MTUS2: variants seen among roughly 807,000 people sequenced by gnomAD.
MTUS2 encodes the protein microtubule-associated tumor suppressor candidate 2.
A neutral mutation model predicts 114.1 loss-of-function variants in MTUS2; 40 were observed. That is an observed-to-expected ratio of 0.35 (90% CI 0.27 to 0.46). MTUS2 has a LOEUF of 0.46. Among genes scored for constraint, MTUS2 ranks in the 20% least tolerant of loss-of-function variants. The pLI, the probability that MTUS2 is intolerant of heterozygous loss-of-function variation, is 1.00. For synonymous variants in MTUS2, 688 were observed against 672.0 expected, an observed-to-expected ratio of 1.02 and a Z score of -0.37; for missense variants, 1,679 against 1,705.4, an observed-to-expected ratio of 0.98 and a Z score of 0.27.
rs138019219 is a variant in MTUS2 at position 29,321,567 on chromosome 13, C to T, written c.2807-3046C>T. Among the ~76,000 whole-genome samples, 449 of 152,272 alleles carry T rather than the reference C, an allele frequency of 2.9e-3. 4 individuals are homozygous for T. Among genetic ancestry groups the T allele is most frequent in the Non-Finnish European group, 4.0e-3 (272 of 68,022 alleles). On this transcript the variant is annotated intron_variant, in intron 6 of 15. Coordinates refer to ENST00000612955, the MANE Select transcript of MTUS2 (RefSeq NM_001033602.4). ...GCCAGCAAAGGGAGGGTAAAACTTT[C>T]GATTTGAGTTATTCCTATAGGACTG...
At chr13:29,333,973 G>A (rs1236882916) in intron 7 of MTUS2, among the ~76,000 whole-genome samples, 2 of 152,028 alleles carry the variant, frequency 1.3e-5, no homozygotes, top group Non-Finnish European at 2.9e-5. Context: ...ATCTTTGTTG[G>A]TTTAAAGTCT....
chr13:29,014,135 G>C (rs998353642), intron 2 of MTUS2, among the ~76,000 whole-genome samples: 2 of 152,086 alleles, frequency 1.3e-5, no homozygotes, highest in African/African-American at 4.8e-5. Flanking sequence ...AACCCAGGAG[G>C]CCTTGTTCCA....
intron 6 of MTUS2, among the ~76,000 whole-genome samples, chr13:29,285,735 G>A (rs1476210644): frequency 2.6e-5 from 4 of 152,142 alleles, no homozygotes; most frequent in South Asian, 2.1e-4. Context: ...CATCTTTGGG[G>A]AAAATGAAGA....
chr13:29,468,128 CA>C (rs1004871299), intron 9 of MTUS2, among the ~76,000 whole-genome samples: 12 of 151,686 alleles, frequency 7.9e-5, no homozygotes, highest in African/African-American at 2.9e-4. Context: ...CAAAAAAACA[CA>C]AAAAAATCCC....
intron 3 of MTUS2, among the ~76,000 whole-genome samples, chr13:29,028,641 C>G (rs140096921): frequency 1.3e-5 from 2 of 152,118 alleles, no homozygotes; most frequent in African/African-American, 4.8e-5. Flanking sequence ...GGGAAGGCCA[C>G]CCATCTTCTC....
intron 7 of MTUS2, among the ~76,000 whole-genome samples, chr13:29,337,509 T>C (rs1409703369): frequency 1.3e-5 from 2 of 152,190 alleles, no homozygotes; most frequent in Admixed American, 6.5e-5. Context: ...AGATGAGCCA[T>C]GTACCTCAGT....
chr13:29,480,341 A>G lies in MTUS2; in HGVS notation c.3376A>G (p.Ile1126Val). The change falls in exon 10 of 16, where the codon ATC (isoleucine) becomes GTC (valine). Residue 1126 changes from isoleucine (I) to valine (V), a missense_variant. By Grantham distance (29) the Ile-to-Val change is conservative (BLOSUM62 3). Transcript: ENST00000612955. The surrounding 1 kb of genome is among the most constrained non-coding windows in gnomAD (Gnocchi z 4.4). ...QEEHGDQLLS[I>V]RCQHQEQVED... ...GGAGCACGGTGACCAGCTGCTGAGC[A>G]TCCGGTGTCAACACCAGGAGCAGGT... The G allele has an allele frequency of 1.3e-6, 2 of 1,542,538 alleles. No individual in the cohort carries two copies. The highest frequency in any genetic ancestry group is 1.8e-6 in the Non-Finnish European group (2 of 1,142,412).
intron 8 of MTUS2, among the ~76,000 whole-genome samples, chr13:29,439,282 A>G (rs1242190922): frequency 6.6e-6 from 1 of 152,244 alleles, no homozygotes; most frequent in South Asian, 2.1e-4. Flanking sequence ...CACATCTTCA[A>G]CTACTTCCCT....
intron 5 of MTUS2, among the ~76,000 whole-genome samples, chr13:29,150,949 T>A (rs1308040283): frequency 6.6e-6 from 1 of 152,206 alleles, no homozygotes; most frequent in African/African-American, 2.4e-5. Context: ...TACTATAGCC[T>A]TGTATAGTTT....
At chr13:28,931,052 GATTGAATC>G (rs1163480488) in intron 2 of MTUS2, among the ~76,000 whole-genome samples, 1 of 152,150 alleles carries the variant, frequency 6.6e-6, no homozygotes, top group Non-Finnish European at 1.5e-5. Flanking sequence ...CCTTGTTACA[GATTGAATC>G]ATTGAGCCTA....
intron 6 of MTUS2, among the ~76,000 whole-genome samples, chr13:29,317,376 T>C (rs7329327): frequency 0.29 from 44,151 of 150,996 alleles, 6,749 homozygotes; most frequent in African/African-American, 0.31. Context: ...TTTCCTTTCC[T>C]CTAGTCCTTG....
intron 8 of MTUS2, among the ~76,000 whole-genome samples, chr13:29,391,636 T>G (rs1050807297): frequency 1.5e-5 from 1 of 65,654 alleles, no homozygotes; most frequent in East Asian, 6.1e-4. Context: ...GTTTGCTTTT[T>G]TAAAATGTTT....
intron 4 of MTUS2, among the ~76,000 whole-genome samples, chr13:29,100,000 T>A (rs2138817029): frequency 6.6e-6 from 1 of 152,322 alleles, no homozygotes; most frequent in Non-Finnish European, 1.5e-5. Flanking sequence ...GGGAACTAAT[T>A]CTGAAGTTTG....
At chr13:29,087,509 T>G (rs1302262947) in intron 4 of MTUS2, among the ~76,000 whole-genome samples, 1 of 152,176 alleles carries the variant, frequency 6.6e-6, no homozygotes, top group Non-Finnish European at 1.5e-5. Flanking sequence ...TTCCTAGTAT[T>G]TTGTTGAAGA....
In MTUS2 at chr13:29,024,778, A is replaced by G; in HGVS notation, c.80A>G (p.Glu27Gly). Residue 27 changes from glutamate (E) to glycine (G), a missense_variant, in exon 3 of 16, where the codon GAA becomes GGA. By Grantham distance (98) the Glu-to-Gly change is moderately conservative. Transcript: ENST00000612955. ...AGAAATGCAGCAAGAAATAATAATGAAAGCATCTTAAGTCTGGGAGATACG... is the reference window on the plus strand; with the variant it reads ...AGAAATGCAGCAAGAAATAATAATGGAAGCATCTTAAGTCTGGGAGATACG... ...DNRNAARNNN[E>G]SILSLGDTNA... 1 of 1,614,052 alleles carries G rather than the reference A, an allele frequency of 6.2e-7. No individual in the cohort carries two copies. The highest frequency in any genetic ancestry group is 1.6e-4 in the Middle Eastern group (1 of 6,062).
Position 29,504,514 on chromosome 13 carries a change from C to T in MTUS2, c.*1308C>T, listed in dbSNP as rs1593529121. ...ATGATCAGGCAACGCTGCTGCTGAC[C>T]GTGCTCCCATCTTAGACCCAGAAGG... is the stretch of plus-strand genomic sequence containing the variant. On this transcript the variant is annotated 3_prime_UTR_variant, in exon 16 of 16. Transcript: ENST00000612955. 1.7e-5 allele frequency: 4 copies of T among 232,548 alleles called. No individual in the cohort carries two copies. The highest frequency in any genetic ancestry group is 5.6e-5 in the Admixed American group (1 of 17,732). The allele number at this position is 232,548 out of a possible 1,614,324, so 14.4% of individuals were successfully genotyped here. A position where few individuals can be genotyped will look rare whatever the true frequency, so the allele number is the denominator to read the frequency against.
chr13:29,031,157 C>T (rs956683707), intron 3 of MTUS2, among the ~76,000 whole-genome samples: 2 of 151,520 alleles, frequency 1.3e-5, no homozygotes, highest in Non-Finnish European at 2.9e-5. Context: ...CAGGGCTGCT[C>T]TCCTTCCTCA....
At chr13:29,006,301 A>G (rs1458308641) in intron 2 of MTUS2, among the ~76,000 whole-genome samples, 2 of 152,212 alleles carry the variant, frequency 1.3e-5, no homozygotes, top group East Asian at 3.8e-4. Flanking sequence ...ACTCCTTCTT[A>G]CATCTCTGGG....
At chr13:28,881,205 T>C (rs1878268835) in intron 2 of MTUS2, among the ~76,000 whole-genome samples, 1 of 152,228 alleles carries the variant, frequency 6.6e-6, no homozygotes, top group African/African-American at 2.4e-5. Context: ...TAGTTCCCAC[T>C]TGTAAGTGAG....
Sources: gnomAD v4.1 joint callset for allele counts (sites outside exome capture counted in the v4.1 genomes callset) on GRCh38, gnomAD v4.1.1 for gene constraint, Gnocchi (gnomAD v3.1) non-coding constraint, MANE v1.5 for transcripts, NCBI Gene and HGNC (gene_info 2026-07-23, HGNC 2026-07-21) for gene names.